Variants in TLK1 observed in about 807,000 individuals in gnomAD.
TLK1 encodes tousled like kinase 1.
Under a neutral mutation model 105.3 loss-of-function variants are expected in TLK1, and 24 were observed. That is an observed-to-expected ratio of 0.23 (90% confidence interval 0.17 to 0.32). The LOEUF (loss-of-function observed/expected upper bound fraction) is 0.32. Among genes scored for constraint, TLK1 ranks in the 10% least tolerant of loss-of-function variants. The pLI, the probability that TLK1 is intolerant of heterozygous loss-of-function variation, is 1.00. For missense variants in TLK1, 558 were observed against 910.5 expected, an observed-to-expected ratio of 0.61 and a Z score of 4.98; for synonymous variants, 321 against 310.4, an observed-to-expected ratio of 1.03 and a Z score of -0.36.
At chr2:171,151,673 C>T (rs1393872393) in intron 1 of TLK1, among the ~76,000 whole-genome samples, 5 of 151,776 alleles carry the variant, frequency 3.3e-5, no homozygotes, top group Non-Finnish European at 7.4e-5. Flanking sequence ...GACAGGGTTT[C>T]ACCGTGTTAG....
rs1553486610 is a variant in TLK1, at chr2:171,175,924, T to TTTTTG, written c.-6+55220_-6+55221insCAAAA. On this transcript the variant is annotated intron_variant, in intron 1 of 20. Coordinates refer to the TLK1 transcript ENST00000521943. ...GCTGGAGTCAGGATATCAAGGTTTT[T>TTTTTG]TTTTTGTTTTTGTTTTTGTTTTTGT... 3.9e-5 allele frequency among the ~76,000 whole-genome samples: 6 copies of TTTTTG among 152,130 alleles called. No homozygotes were observed. In the East Asian group the frequency reaches 7.7e-4, roughly 20 times the overall value.
At chr2:171,092,995 T>C (rs1689300656) in intron 2 of TLK1, among the ~76,000 whole-genome samples, 1 of 152,188 alleles carries the variant, frequency 6.6e-6, no homozygotes, top group African/African-American at 2.4e-5. Context: ...AAGGACCACA[T>C]GACTCCATGT....
At chr2:171,130,132 A>AG (rs1691039810) in intron 1 of TLK1, among the ~76,000 whole-genome samples, 1 of 152,142 alleles carries the variant, frequency 6.6e-6, no homozygotes, top group Admixed American at 6.5e-5. Flanking sequence ...GGCTGGGTAC[A>AG]GTGGATCATG....
chr2:171,168,596 TA>T (rs1369754864), intron 1 of TLK1, among the ~76,000 whole-genome samples: 9 of 151,986 alleles, frequency 5.9e-5, no homozygotes, highest in Non-Finnish European at 1.2e-4. Context: ...CACTGAATCA[TA>T]AAAAGAATTC....
chr2:171,033,283 T>C (rs1686136047), intron 11 of TLK1, among the ~76,000 whole-genome samples: 1 of 152,132 alleles, frequency 6.6e-6, no homozygotes, highest in Admixed American at 6.6e-5. Flanking sequence ...AATAAATTCT[T>C]AGATTTGTCA....
Position 171,049,924 on chromosome 2 carries a change from T to C in TLK1, c.870A>G (p.Arg290=). ...GTAATCGATCTTGCATACTCTTCTC[T>C]CTGCTTGACAGCTTTTCTTGTGTAC... ...EKSTQEKLSS[R]EKSMQDRLRL... Residue 290 remains arginine, a synonymous_variant, in exon 10 of 21, where the codon AGA becomes AGG. Transcript: ENST00000431350. 1 of 1,613,600 alleles carries C rather than the reference T, an allele frequency of 6.2e-7. No homozygotes were observed. Among genetic ancestry groups the C allele is most frequent in the Non-Finnish European group, 8.5e-7 (1 of 1,179,882 alleles).
intron 12 of TLK1, among the ~76,000 whole-genome samples, 154 bp from the exon 13 acceptor site, chr2:171,015,102 C>T (rs775693817): frequency 1.3e-5 from 2 of 151,640 alleles, no homozygotes; most frequent in Admixed American, 6.6e-5. Context: ...TTTTCAATGC[C>T]GAAAAGATGG....
intron 14 of TLK1, among the ~76,000 whole-genome samples, chr2:171,010,061 G>T (rs1684834088): frequency 6.6e-6 from 1 of 152,182 alleles, no homozygotes; most frequent in East Asian, 1.9e-4. Flanking sequence ...TCTAGTTGCA[G>T]TGTACAAAAT....
At chr2:170,997,256 T>C (rs2723244) in intron 19 of TLK1, among the ~76,000 whole-genome samples, 147,139 of 152,244 alleles carry the variant, frequency 0.97, 71,283 homozygotes, top group East Asian at 1. Flanking sequence ...TAGTTAATAT[T>C]TATGGTAACC....
intron 2 of TLK1, among the ~76,000 whole-genome samples, chr2:171,114,806 GCC>G (rs1690337184): frequency 6.6e-6 from 1 of 151,916 alleles, no homozygotes; most frequent in South Asian, 2.1e-4. Flanking sequence ...CTGCACTCCA[GCC>G]TGAGTGACAG....
At chr2:171,034,941 GT>G (rs1443607806) in intron 11 of TLK1, among the ~76,000 whole-genome samples, 1 of 152,132 alleles carries the variant, frequency 6.6e-6, no homozygotes, top group African/African-American at 2.4e-5. Flanking sequence ...ATTCCCACGT[GT>G]TGTGGGAGGG....
intron 4 of TLK1, chr2:171,059,873 T>C: frequency 1.1e-6 from 1 of 919,292 alleles, no homozygotes; most frequent in Non-Finnish European, 1.8e-6. Flanking sequence ...CTGCCGCTGA[T>C]CTGACAGGAG....
chr2:171,133,753 T>G (rs1165793587), intron 1 of TLK1, among the ~76,000 whole-genome samples: 8 of 147,814 alleles, frequency 5.4e-5, no homozygotes, highest in Admixed American at 4.1e-4. Context: ...TGTTTCAGAC[T>G]TCTGATTTTT....
intron 1 of TLK1, among the ~76,000 whole-genome samples, chr2:171,227,222 A>G (rs943464281): frequency 2.6e-5 from 4 of 152,168 alleles, no homozygotes; most frequent in Non-Finnish European, 5.9e-5. Flanking sequence ...TCTAATGATA[A>G]ATACATGACC....
At chr2:171,043,946 C>T (rs528054811) in intron 11 of TLK1, among the ~76,000 whole-genome samples, 3 of 152,214 alleles carry the variant, frequency 2.0e-5, no homozygotes, top group Middle Eastern at 3.4e-3. Flanking sequence ...TTTTCTTAAA[C>T]AAATTTACTA....
chr2:171,197,965 G>A (rs555139119), intron 1 of TLK1, among the ~76,000 whole-genome samples: 1 of 152,228 alleles, frequency 6.6e-6, no homozygotes, highest in South Asian at 2.1e-4. Flanking sequence ...TGAAACAACT[G>A]CACCAGACAA....
intron 1 of TLK1, among the ~76,000 whole-genome samples, chr2:171,181,570 C>G (rs60724749): frequency 0.045 from 6,871 of 152,236 alleles, 456 homozygotes; most frequent in East Asian, 0.3. Context: ...GTAAGAGCCT[C>G]AGGCTGCTTC....
At chr2:171,082,021 C>T (rs534284022) in intron 3 of TLK1, among the ~76,000 whole-genome samples, 9 of 137,572 alleles carry the variant, frequency 6.5e-5, no homozygotes, top group Admixed American at 3.6e-4. Flanking sequence ...ATAAGACTGA[C>T]GGGAAAAATA....
At chr2:171,025,139 A>G (rs1238051017) in intron 12 of TLK1, among the ~76,000 whole-genome samples, 1 of 152,226 alleles carries the variant, frequency 6.6e-6, no homozygotes, top group Non-Finnish European at 1.5e-5. Flanking sequence ...CACACATTGG[A>G]TAATAGAGTA....
Sources: allele counts gnomAD v4.1 joint callset (sites outside exome capture counted in the v4.1 genomes callset), GRCh38; gene constraint gnomAD v4.1.1; transcripts MANE v1.5; gene names NCBI Gene and HGNC (gene_info 2026-07-23, HGNC 2026-07-21).